Variants in PDE3A observed in about 807,000 individuals in gnomAD.
The protein encoded by PDE3A is cGMP-inhibited 3',5'-cyclic phosphodiesterase 3A.
In PDE3A, 43 loss-of-function variants were observed where a neutral mutation model predicts 98.3. The ratio of observed to expected loss-of-function variants is 0.44; its 90% CI spans 0.34 to 0.56. The LOEUF is 0.56. PDE3A is among the 20% of genes least tolerant of loss of function. The pLI is 0.01. For missense variants in PDE3A, 1,427 were observed against 1,440.7 expected (o/e 0.99, Z 0.15); for synonymous variants, 663 against 567.9 (o/e 1.17, Z -2.38).
chr12:20,515,311 T>C (rs1946297519), intron 1 of PDE3A, among the ~76,000 whole-genome samples: 1 of 152,238 alleles, frequency 6.6e-6, no homozygotes, highest in Non-Finnish European at 1.5e-5. Flanking sequence ...GTGATGATAA[T>C]GTAATATACC....
In PDE3A at chr12:20,648,794, A is replaced by G. The variant is rs766781477; in HGVS notation, c.2672A>G (p.His891Arg). 6.2e-7 allele frequency: 1 copy of G among 1,613,360 alleles called. No individual in the cohort carries two copies. The highest frequency in any genetic ancestry group is 1.7e-5 in the Admixed American group (1 of 60,018). Residue 891 changes from histidine (H) to arginine (R), a missense_variant, in exon 13 of 16, where the codon CAT (histidine) becomes CGT (arginine). By Grantham distance (29) the His-to-Arg change is conservative (BLOSUM62 0). Coordinates refer to ENST00000359062, the MANE Select transcript of PDE3A (RefSeq NM_000921.5). ...TATAACTTCTTAATTAACCTTGACC[A>G]TGTGGAATTTAAGCATTTCCGTTTC... Reference protein sequence around the residue: ...PEYNFLINLDHVEFKHFRFLV... With the variant: ...PEYNFLINLDRVEFKHFRFLV...
chr12:20,616,130 C>A, intron 3 of PDE3A, 100 bp from the exon 4 acceptor site: 1 of 1,048,226 alleles, frequency 9.5e-7, no homozygotes, highest in Non-Finnish European at 1.4e-6. Flanking sequence ...GTAATTTAGT[C>A]AATTCACTTC....
chr12:20,539,484 G>T (rs1439436723), intron 1 of PDE3A, among the ~76,000 whole-genome samples: 2 of 152,106 alleles, frequency 1.3e-5, no homozygotes, highest in African/African-American at 2.4e-5. Context: ...ATTTCAGATT[G>T]CAGTAAATGC....
In PDE3A at chr12:20,369,699, C is replaced by G; in HGVS notation, c.415C>G (p.Leu139Val). The G allele has an allele frequency of 6.2e-7, 1 of 1,611,934 alleles. No homozygotes were observed. Among genetic ancestry groups the G allele is most frequent in the Non-Finnish European group, 8.5e-7 (1 of 1,179,640 alleles). Residue 139 changes from leucine to valine, a missense_variant, in exon 1 of 16, where the codon CTC becomes GTC. Leu to Val is a conservative substitution (Grantham distance 32). Around this residue, in one of 3 missense-constraint regions of PDE3A, gnomAD observed 1,012 missense variants for 886.5 expected, o/e 1.14. Transcript: ENST00000359062. Reference sequence around the variant, plus strand: ...GCAGCCCTCGGCGCTGCTCTTCAGTCTCCTGTGTGCCTTCTTCTGGATGGG... The same window carrying G: ...GCAGCCCTCGGCGCTGCTCTTCAGTGTCCTGTGTGCCTTCTTCTGGATGGG... ...WLQPSALLFS[L>V]LCAFFWMGLY...
In PDE3A at chr12:20,448,650, G is replaced by A. The variant is rs1019276680; in HGVS notation, c.960+78406G>A. ...GATATGAATGCAGGCACTTACCTAC[G>A]TAATTTCTAATATTGATGATACTGG... is the stretch of plus-strand genomic sequence containing the variant. On this transcript the variant is annotated intron_variant, in intron 1 of 15. Transcript: ENST00000359062. 4.6e-5 allele frequency among the ~76,000 whole-genome samples: 7 copies of A among 151,830 alleles called. No homozygotes were observed. The South Asian group carries it at 8.3e-4, about 18-fold the overall frequency.
At chr12:20,571,257 G>A (rs80185414) in intron 2 of PDE3A, among the ~76,000 whole-genome samples, 2,060 of 152,162 alleles carry the variant, frequency 0.014, 49 homozygotes, top group African/African-American at 0.048. Flanking sequence ...TGTTTGATGA[G>A]GAAATGAGGG....
At chr12:20,577,989 G>A (rs1210718487) in intron 2 of PDE3A, among the ~76,000 whole-genome samples, 1 of 152,144 alleles carries the variant, frequency 6.6e-6, no homozygotes, top group Non-Finnish European at 1.5e-5. Context: ...GAGTGGGAGA[G>A]GGGCAGTCCT....
chr12:20,570,611 T>A (rs962467726), intron 2 of PDE3A, among the ~76,000 whole-genome samples: 1 of 152,120 alleles, frequency 6.6e-6, no homozygotes, highest in African/African-American at 2.4e-5. Flanking sequence ...TGAAATAGGT[T>A]AAATGATTGT....
intron 10 of PDE3A, among the ~76,000 whole-genome samples, chr12:20,643,052 G>A (rs536862312): frequency 6.6e-6 from 1 of 152,288 alleles, no homozygotes; most frequent in South Asian, 2.1e-4. Flanking sequence ...CAAGACGGAA[G>A]AGGGAGATGG....
rs1028552085 is a variant in PDE3A at position 20,368,959 on chromosome 12, G to T, written c.-326G>T. 6.6e-6 allele frequency among the ~76,000 whole-genome samples: 1 copy of T among 152,104 alleles called. No homozygotes were observed. The highest frequency in any genetic ancestry group is 2.1e-4 in the South Asian group (1 of 4,826). On this transcript the variant is annotated 5_prime_UTR_variant, in exon 1 of 16. Transcript: ENST00000359062. ...AGACCCCGGAGGATATAAGTCGGGG[G>T]TGGGGGTGGAGCAGAGAATCTGTGA...
intron 1 of PDE3A, among the ~76,000 whole-genome samples, chr12:20,414,554 C>T (rs547341754): frequency 4.6e-5 from 7 of 152,134 alleles, no homozygotes; most frequent in Non-Finnish European, 8.8e-5. Context: ...GCGAAGGTGT[C>T]AAAAATGTTT....
At chr12:20,595,888 T>A (rs1281082763) in intron 2 of PDE3A, among the ~76,000 whole-genome samples, 1 of 152,128 alleles carries the variant, frequency 6.6e-6, no homozygotes, top group Non-Finnish European at 1.5e-5. Context: ...TATTTTAAGA[T>A]GAAATGAAAT....
chr12:20,497,975 A>T (rs1167871019), intron 1 of PDE3A, among the ~76,000 whole-genome samples: 1 of 152,136 alleles, frequency 6.6e-6, no homozygotes, highest in Non-Finnish European at 1.5e-5. Flanking sequence ...TTGCTATCCC[A>T]CTGTTTACCA....
At chr12:20,400,555 C>T (rs1452656929) in intron 1 of PDE3A, among the ~76,000 whole-genome samples, 1 of 151,670 alleles carries the variant, frequency 6.6e-6, no homozygotes, top group Non-Finnish European at 1.5e-5. Context: ...TACAGGCGCC[C>T]GCCACTGCGC....
At chr12:20,490,441 T>C (rs891817933) in intron 1 of PDE3A, among the ~76,000 whole-genome samples, 1 of 152,138 alleles carries the variant, frequency 6.6e-6, no homozygotes, top group Non-Finnish European at 1.5e-5. Flanking sequence ...ACTTGTAATA[T>C]TGGAGAAGTT....
Position 20,637,209 on chromosome 12 carries a change from G to A in PDE3A, c.2111G>A (p.Gly704Glu). ...FPIFDLVENI[G>E]RKCGRILSQV... ...ATTTTTGATTTAGTGGAAAATATAG[G>A]AAGAAAATGTGGCCGTATTCTTAGT... Residue 704 changes from glycine to glutamate, a missense_variant, in exon 9 of 16, where the codon GGA becomes GAA. Coordinates refer to ENST00000359062, the MANE Select transcript of PDE3A (RefSeq NM_000921.5). 1 of 1,609,104 alleles carries A rather than the reference G, an allele frequency of 6.2e-7. No individual in the cohort carries two copies. Among genetic ancestry groups the A allele is most frequent in the East Asian group, 2.2e-5 (1 of 44,716 alleles).
chr12:20,665,510 A>C (rs1945286044), intron 15 of PDE3A, among the ~76,000 whole-genome samples: 1 of 152,206 alleles, frequency 6.6e-6, no homozygotes, highest in African/African-American at 2.4e-5. Flanking sequence ...AGATCTGTAC[A>C]GGTTTGTCCA....
intron 15 of PDE3A, among the ~76,000 whole-genome samples, chr12:20,669,246 G>A (rs1299901805): frequency 6.6e-6 from 1 of 152,100 alleles, no homozygotes; most frequent in Non-Finnish European, 1.5e-5. Flanking sequence ...AAGTGATGGG[G>A]AGAATGGAAC....
chr12:20,386,152 T>A (rs71436820), intron 1 of PDE3A, among the ~76,000 whole-genome samples: 51,476 of 82,738 alleles, frequency 0.62, 17,141 homozygotes, highest in East Asian at 0.89. Context: ...AATATATATA[T>A]AAATATATAT....
Sources: gnomAD v4.1 joint callset for allele counts (sites outside exome capture counted in the v4.1 genomes callset) on GRCh38, gnomAD v4.1.1 for gene constraint, gnomAD v4.1.1 regional missense constraint, MANE v1.5 for transcripts, NCBI Gene and HGNC (gene_info 2026-07-23, HGNC 2026-07-21) for gene names.